Variants in RBFOX1 observed in about 807,000 individuals in gnomAD.
The protein encoded by RBFOX1 is RNA binding protein fox-1 homolog 1.
A neutral mutation model predicts 57.7 loss-of-function variants in RBFOX1; 8 were observed. The observed-to-expected ratio is 0.14, with a 90% CI of 0.08 to 0.25. The LOEUF is 0.25. Ranked by LOEUF, RBFOX1 falls within the 10% of genes least tolerant of loss-of-function variation. The pLI, the probability that RBFOX1 is intolerant of heterozygous loss-of-function variation, is 1.00. For synonymous variants in RBFOX1, 326 were observed against 222.4 expected (o/e 1.47, Z -4.15); for missense variants, 611 against 548.5 (o/e 1.11, Z -1.14).
At chr16:7,198,923 C>T (rs1261485584) in intron 4 of RBFOX1, among the ~76,000 whole-genome samples, 2 of 152,140 alleles carry the variant, frequency 1.3e-5, no homozygotes, top group African/African-American at 2.4e-5. Context: ...TCACAGTTTG[C>T]TCAGTATGAA....
rs1380219921 is a variant in RBFOX1, at chr16:6,600,988, A to G, written c.-63-53615A>G. Among the ~76,000 whole-genome samples, 3 of 152,290 alleles carry G rather than the reference A, an allele frequency of 2.0e-5. No individual in the cohort carries two copies. The East Asian group carries it at 5.8e-4, about 29-fold the overall frequency. On this transcript the variant is annotated intron_variant, in intron 2 of 15. Transcript: ENST00000550418. The stretch of plus-strand genomic sequence containing the variant: ...GCCTCTTAAATGTGATTATAGTCAG[A>G]GCTGCAGTTACTCCCTGAGAAAGGA...
intron 4 of RBFOX1, among the ~76,000 whole-genome samples, chr16:7,338,446 A>T (rs2096833800): frequency 6.6e-6 from 1 of 152,164 alleles, no homozygotes; most frequent in Admixed American, 6.6e-5. Context: ...CTCAGACTGG[A>T]GTGCAGTGGT....
At chr16:7,004,617 G>C (rs1303963527) in intron 3 of RBFOX1, among the ~76,000 whole-genome samples, 1 of 152,202 alleles carries the variant, frequency 6.6e-6, no homozygotes, top group African/African-American at 2.4e-5. Flanking sequence ...ATTTAGAACA[G>C]TTTTCTTGAA....
At chr16:6,806,027 AT>A (rs1442524525) in intron 3 of RBFOX1, among the ~76,000 whole-genome samples, 1 of 152,174 alleles carries the variant, frequency 6.6e-6, no homozygotes, top group Non-Finnish European at 1.5e-5. Context: ...TACTCAAAAT[AT>A]TTGCTAGTTG....
In RBFOX1 at chr16:5,947,589, C is replaced by T. The variant is rs958029588; in HGVS notation, c.351+80254C>T. On this transcript the variant is annotated intron_variant, in intron 4 of 19. Coordinates refer to the RBFOX1 transcript ENST00000641259. This position sits in a 1 kb window ranked among gnomAD's most constrained non-coding sequence, Gnocchi z 7.2. ...TCTCACATATCAGCCTCCCAAAGTG[C>T]TGGGATTACATGCATGATCCACCAT... 6.6e-6 allele frequency among the ~76,000 whole-genome samples: 1 copy of T among 152,322 alleles called. No homozygotes were observed. The highest frequency in any genetic ancestry group is 3.4e-3 in the Middle Eastern group (1 of 294).
chr16:7,086,721 T>TACACACACACACACACACAGACAC (rs1555460280), intron 4 of RBFOX1, among the ~76,000 whole-genome samples: 2,807 of 149,540 alleles, frequency 0.019, 39 homozygotes, highest in Non-Finnish European at 0.026. Context: ...GAAGAATGTA[T>TACACACACACACACACACAGACAC]ACACACACAC....
At chr16:7,216,692 C>G (rs1329473054) in intron 4 of RBFOX1, among the ~76,000 whole-genome samples, 4 of 151,894 alleles carry the variant, frequency 2.6e-5, no homozygotes, top group Non-Finnish European at 2.9e-5. Flanking sequence ...ACAAACAAAC[C>G]GAGACAATGA....
At chr16:6,464,028 T>A (rs2094982464) in intron 2 of RBFOX1, among the ~76,000 whole-genome samples, 2 of 152,230 alleles carry the variant, frequency 1.3e-5, no homozygotes, top group Admixed American at 1.3e-4. Context: ...TGAATTTCAC[T>A]GTTCCTGATT....
chr16:5,893,427 G>A (rs776130728), intron 4 of RBFOX1, among the ~76,000 whole-genome samples: 4 of 152,208 alleles, frequency 2.6e-5, no homozygotes, highest in Non-Finnish European at 4.4e-5. Context: ...TAACTGGATT[G>A]TTTGTATCAC....
intron 9 of RBFOX1, among the ~76,000 whole-genome samples, chr16:7,603,587 A>G (rs982681013): frequency 6.6e-6 from 1 of 152,184 alleles, no homozygotes; most frequent in African/African-American, 2.4e-5. Flanking sequence ...CCTAAATAAC[A>G]TGAAGTCGAC....
intron 14 of RBFOX1, among the ~76,000 whole-genome samples, chr16:7,695,906 T>C (rs1283861496): frequency 1.3e-5 from 2 of 152,146 alleles, no homozygotes; most frequent in Non-Finnish European, 2.9e-5. Context: ...AGAGGTGCTA[T>C]TGTCACATTG....
chr16:5,333,555 C>T (rs979536636), intron 1 of RBFOX1, among the ~76,000 whole-genome samples: 3 of 152,326 alleles, frequency 2.0e-5, no homozygotes, highest in South Asian at 2.1e-4. Flanking sequence ...GCACAGCAGA[C>T]GTAGAAGTTC....
intron 1 of RBFOX1, among the ~76,000 whole-genome samples, chr16:5,392,474 G>T (rs2066438898): frequency 6.6e-6 from 1 of 151,142 alleles, no homozygotes; most frequent in South Asian, 2.1e-4. Context: ...TTTAGGGGGT[G>T]TTACTCTGTC....
intron 4 of RBFOX1, among the ~76,000 whole-genome samples, chr16:7,347,739 T>C (rs1356335280): frequency 3.3e-5 from 5 of 152,302 alleles, no homozygotes; most frequent in Non-Finnish European, 5.9e-5. Context: ...ACCTATCGTA[T>C]GTCTCAATCT....
chr16:6,428,323 A>C (rs1182504613), intron 2 of RBFOX1, among the ~76,000 whole-genome samples: 2 of 150,754 alleles, frequency 1.3e-5, no homozygotes, highest in African/African-American at 2.4e-5. Context: ...CTCGATGCCT[A>C]GTTAGCATTC....
intron 4 of RBFOX1, among the ~76,000 whole-genome samples, chr16:7,495,991 A>C (rs59394116): frequency 0.015 from 2,346 of 152,320 alleles, 66 homozygotes; most frequent in African/African-American, 0.053. Context: ...GTACTTCCAT[A>C]CAGAGAAGAA....
At chr16:6,882,167 C>G (rs186167908) in intron 3 of RBFOX1, among the ~76,000 whole-genome samples, 5 of 152,200 alleles carry the variant, frequency 3.3e-5, no homozygotes, top group South Asian at 2.1e-4. Flanking sequence ...TTAATTCTGT[C>G]TCTAGCTTCT....
At chr16:6,575,348 T>A (rs2153962497) in intron 2 of RBFOX1, among the ~76,000 whole-genome samples, 1 of 152,294 alleles carries the variant, frequency 6.6e-6, no homozygotes, top group East Asian at 1.9e-4. Context: ...TACTAAGTCC[T>A]CTCAACATTG....
intron 4 of RBFOX1, among the ~76,000 whole-genome samples, chr16:7,259,214 T>C (rs1179881402): frequency 6.6e-6 from 1 of 152,192 alleles, no homozygotes; most frequent in African/African-American, 2.4e-5. Context: ...GTAAGGGCTT[T>C]CTCTTTGATG....
Sources: gnomAD v4.1 joint callset for allele counts (sites outside exome capture counted in the v4.1 genomes callset) on GRCh38, gnomAD v4.1.1 for gene constraint, Gnocchi (gnomAD v3.1) non-coding constraint, MANE v1.5 for transcripts, NCBI Gene and HGNC (gene_info 2026-07-23, HGNC 2026-07-21) for gene names.